The following RIMS2 variants were observed in gnomAD, a reference collection of about 807,000 sequenced individuals.
The protein encoded by RIMS2 is regulating synaptic membrane exocytosis 2, also known as regulating synaptic membrane exocytosis protein 2.
Under a neutral mutation model 174.4 loss-of-function variants are expected in RIMS2, and 59 were observed. The observed-to-expected ratio is 0.34, with a 90% confidence interval of 0.27 to 0.42. RIMS2 has a LOEUF of 0.42. RIMS2 is among the 10% of genes least tolerant of loss of function. The pLI is 1.00. For missense variants in RIMS2, 1,620 were observed against 1,666.3 expected (o/e 0.97, Z 0.48); for synonymous variants, 606 against 572.5 (o/e 1.06, Z -0.84).
chr8:103,562,663 C>G, intron 1 of RIMS2, among the ~76,000 whole-genome samples: 1 of 152,142 alleles, frequency 6.6e-6, no homozygotes. Flanking sequence ...GACGGTGGCC[C>G]TCTTCTCATA....
chr8:104,077,021 C>T lies in RIMS2; in HGVS notation c.3334+62406C>T, dbSNP rs138348241. On this transcript the variant is annotated intron_variant, in intron 19 of 23. Coordinates refer to ENST00000504942, the Ensembl canonical transcript of RIMS2. ...TTTAGTAAAAGGCAGGGTTTCACCA[C>T]GTTGGCCAGGCTGGTTTTGAACTCC... Among the ~76,000 whole-genome samples, 10 of 152,056 alleles carry T rather than the reference C, an allele frequency of 6.6e-5. No homozygotes were observed. The East Asian group carries it at 1.4e-3, about 21-fold the overall frequency.
At chr8:104,158,103 T>C (rs1185803638) in intron 19 of RIMS2, among the ~76,000 whole-genome samples, 1 of 152,228 alleles carries the variant, frequency 6.6e-6, no homozygotes, top group Admixed American at 6.5e-5. Flanking sequence ...TGTATCCATA[T>C]GTTCTCATTG....
At chr8:103,941,111 G>C (rs1423847963) in intron 13 of RIMS2, among the ~76,000 whole-genome samples, 2 of 152,120 alleles carry the variant, frequency 1.3e-5, no homozygotes, top group African/African-American at 4.8e-5. Flanking sequence ...AATTAAATAA[G>C]TGTGTTGTAT....
intron 10 of RIMS2, among the ~76,000 whole-genome samples, chr8:103,926,835 G>A (rs1164324710): frequency 1.3e-5 from 2 of 151,578 alleles, no homozygotes; most frequent in East Asian, 3.9e-4. Context: ...TTATTGTGAT[G>A]TCTTTTGGAA....
chr8:103,812,134 T>C (rs1342700972), intron 3 of RIMS2, among the ~76,000 whole-genome samples: 2 of 152,176 alleles, frequency 1.3e-5, no homozygotes, highest in Non-Finnish European at 2.9e-5. Flanking sequence ...TTTTAAAACT[T>C]ATGAAAACTG....
At chr8:104,093,840 A>G (rs1436857524) in intron 19 of RIMS2, among the ~76,000 whole-genome samples, 197 bp downstream of exon 24, 4 of 152,156 alleles carry the variant, frequency 2.6e-5, no homozygotes, top group South Asian at 2.1e-4. Context: ...AAATGTTATG[A>G]AACTATGGAT....
chr8:104,033,708 C>A (rs1232469371), intron 19 of RIMS2, among the ~76,000 whole-genome samples: 1 of 150,832 alleles, frequency 6.6e-6, no homozygotes. Flanking sequence ...AGTAAGTATG[C>A]AATATTCTAA....
chr8:103,984,893 A>T (rs2094219456), intron 16 of RIMS2, among the ~76,000 whole-genome samples: 1 of 152,214 alleles, frequency 6.6e-6, no homozygotes, highest in South Asian at 2.1e-4. Context: ...AACAACATGG[A>T]TGGAACTGGA....
intron 19 of RIMS2, among the ~76,000 whole-genome samples, chr8:104,215,159 T>C (rs1207685535): frequency 3.3e-5 from 5 of 152,204 alleles, no homozygotes; most frequent in African/African-American, 2.4e-5. Context: ...AATGCCAAAT[T>C]TTCTATTTTT....
intron 1 of RIMS2, among the ~76,000 whole-genome samples, chr8:103,600,388 GCATCCT>G (rs2094677228): frequency 6.6e-6 from 1 of 152,116 alleles, no homozygotes; most frequent in African/African-American, 2.4e-5. Context: ...TCATGCCTCA[GCATCCT>G]GAGTAGCTGG....
chr8:103,561,334 C>G (rs1360825077), intron 1 of RIMS2, among the ~76,000 whole-genome samples: 2 of 152,012 alleles, frequency 1.3e-5, no homozygotes, highest in African/African-American at 4.8e-5. Context: ...GAAACATACC[C>G]ATTGAATCAA....
At chr8:104,226,691 G>A (rs2099189949) in intron 19 of RIMS2, among the ~76,000 whole-genome samples, 1 of 152,096 alleles carries the variant, frequency 6.6e-6, no homozygotes, top group African/African-American at 2.4e-5. Context: ...GTTAGAGAAG[G>A]GTGCCCTGAG....
At chr8:103,527,521 C>G (rs1364590846) in intron 1 of RIMS2, among the ~76,000 whole-genome samples, 1 of 152,056 alleles carries the variant, frequency 6.6e-6, no homozygotes, top group Non-Finnish European at 1.5e-5. Context: ...GGTATATCTC[C>G]TAATGCTATC....
intron 1 of RIMS2, among the ~76,000 whole-genome samples, chr8:103,623,326 G>A (rs1047462215): frequency 6.6e-6 from 1 of 151,876 alleles, no homozygotes; most frequent in Non-Finnish European, 1.5e-5. Flanking sequence ...TTAAAGTACA[G>A]AACACATTTT....
At chr8:103,706,410 G>T (rs1385420146) in intron 2 of RIMS2, among the ~76,000 whole-genome samples, 1 of 151,914 alleles carries the variant, frequency 6.6e-6, no homozygotes, top group Non-Finnish European at 1.5e-5. Flanking sequence ...ACCTTCACAG[G>T]ATTTTTTTGG....
chr8:103,623,806 TA>T (rs1252899345), intron 1 of RIMS2, among the ~76,000 whole-genome samples: 1 of 151,340 alleles, frequency 6.6e-6, no homozygotes, highest in African/African-American at 2.4e-5. Context: ...TTTTTTTTTT[TA>T]AAAAGGAAGG....
chr8:103,738,223 A>G (rs2097712557), intron 2 of RIMS2, among the ~76,000 whole-genome samples: 4 of 152,216 alleles, frequency 2.6e-5, no homozygotes, highest in Admixed American at 2.6e-4. Context: ...AAATGAGATC[A>G]TCATTTTATT....
chr8:103,944,273 A>G (rs1298076565), intron 14 of RIMS2, among the ~76,000 whole-genome samples: 1 of 152,130 alleles, frequency 6.6e-6, no homozygotes, highest in African/African-American at 2.4e-5. Context: ...TGTAATAATT[A>G]CATTACAATG....
chr8:103,850,174 T>C (rs1350937641), intron 3 of RIMS2, among the ~76,000 whole-genome samples: 1 of 152,028 alleles, frequency 6.6e-6, no homozygotes, highest in Non-Finnish European at 1.5e-5. Context: ...TAAGGTAATA[T>C]TCCTAATCTA....
Sources: gnomAD v4.1 joint callset for allele counts (sites outside exome capture counted in the v4.1 genomes callset) on GRCh38, gnomAD v4.1.1 for gene constraint, MANE v1.5 for transcripts, NCBI Gene and HGNC (gene_info 2026-07-23, HGNC 2026-07-21) for gene names.